SRPK2: variants seen among roughly 807,000 people sequenced by gnomAD.
SRPK2 encodes SFRS protein kinase 2.
SRPK2 carries 21 observed loss-of-function variants against 90.8 expected under a neutral mutation model. The observed-to-expected ratio is 0.23, with a 90% CI of 0.16 to 0.33. The LOEUF is 0.33. Among genes scored for constraint, SRPK2 ranks in the 10% least tolerant of loss-of-function variants. The pLI, the probability that SRPK2 is intolerant of heterozygous loss-of-function variation, is 1.00. For missense variants in SRPK2, 620 were observed against 869.0 expected (o/e 0.71, Z 3.60); for synonymous variants, 288 against 311.1 (o/e 0.93, Z 0.78).
At chr7:105,370,037 C>CAACAACAAT (rs1240194068) in intron 2 of SRPK2, among the ~76,000 whole-genome samples, 2 of 151,714 alleles carry the variant, frequency 1.3e-5, no homozygotes, top group African/African-American at 4.8e-5. Context: ...CAAACAACAA[C>CAACAACAAT]AACAACAACA....
chr7:105,124,640 T>TTAAAAAAAAAAAAAAA (rs71519197), intron 15 of SRPK2, among the ~76,000 whole-genome samples: 1 of 52,926 alleles, frequency 1.9e-5, no homozygotes, highest in African/African-American at 6.2e-5. Flanking sequence ...AAACTCCATC[T>TTAAAAAAAAAAAAAAA]AAAAAAAAAA....
At chr7:105,244,420 A>C (rs1249642090) in intron 2 of SRPK2, among the ~76,000 whole-genome samples, 2 of 152,168 alleles carry the variant, frequency 1.3e-5, no homozygotes, top group Non-Finnish European at 2.9e-5. Context: ...AAATACAAAA[A>C]TTAGCTGCAC....
chr7:105,195,445 A>G lies in SRPK2; in HGVS notation c.229+8183T>C, dbSNP rs533887047. Among the ~76,000 whole-genome samples, 183 of 152,316 alleles carry G rather than the reference A, an allele frequency of 1.2e-3. 2 individuals carry two copies. Among genetic ancestry groups the G allele is most frequent in the Non-Finnish European group, 2.4e-3 (164 of 68,020 alleles). On this transcript the variant is annotated intron_variant, in intron 3 of 15. Coordinates refer to ENST00000393651, the MANE Select transcript of SRPK2 (RefSeq NM_182692.3). ...GTTTTCTGTGGGGATTTTTGGTAAT[A>G]TTTTGAAGTGATGCTTTAAAGTTAC...
rs945903337 is a variant in SRPK2 at position 105,368,871 on chromosome 7, C to T, written c.71+19777G>A. Among the ~76,000 whole-genome samples, 13 of 118,054 alleles carry T rather than the reference C, an allele frequency of 1.1e-4. No individual in the cohort carries two copies. The East Asian group carries it at 1.6e-3, about 14-fold the overall frequency. The allele number at this position is 118,054 out of a possible 152,430, so 77.4% of individuals were successfully genotyped here. On this transcript the variant is annotated intron_variant, in intron 2 of 15. Transcript: ENST00000393651. ...CTGCACTCCAACCTAGGTGACAAAG[C>T]GAAACTCTATCTCAAAAAAAAAAAA... is the stretch of plus-strand genomic sequence containing the variant.
intron 2 of SRPK2, among the ~76,000 whole-genome samples, chr7:105,319,295 C>T (rs914296046): frequency 2.6e-5 from 4 of 152,042 alleles, no homozygotes; most frequent in East Asian, 1.9e-4. Context: ...AATCTACTAC[C>T]ATAGGTTCGT....
At position 105,265,691 on chromosome 7, in the gene SRPK2, T is replaced by C. The variant is rs1804966820; in HGVS notation, c.72-61906A>G. Among the ~76,000 whole-genome samples, 3 of 152,192 alleles carry C rather than the reference T, an allele frequency of 2.0e-5. No individual in the cohort carries two copies. The South Asian group carries it at 6.2e-4, about 32-fold the overall frequency. ...GTAAACAAGGGAGTAAAAATGTGTCTAGCACCGACTCTACTATATTCAAGA... is the reference window on the plus strand; with the variant it reads ...GTAAACAAGGGAGTAAAAATGTGTCCAGCACCGACTCTACTATATTCAAGA... On this transcript the variant is annotated intron_variant, in intron 2 of 15. Coordinates refer to ENST00000393651, the MANE Select transcript of SRPK2 (RefSeq NM_182692.3).
In SRPK2 at chr7:105,376,411, T is replaced by C. The variant is rs148918802; in HGVS notation, c.71+12237A>G. 1.0e-3 allele frequency among the ~76,000 whole-genome samples: 157 copies of C among 152,076 alleles called. 2 individuals carry two copies. The East Asian group carries it at 0.016, about 16-fold the overall frequency. ...CCTCACCCCATCCCATCCCTATCCATTGAAAACCTGTGCTATAATCCCACT... is the reference window on the plus strand; with the variant it reads ...CCTCACCCCATCCCATCCCTATCCACTGAAAACCTGTGCTATAATCCCACT... On this transcript the variant is annotated intron_variant, in intron 2 of 15. Coordinates refer to ENST00000393651, the MANE Select transcript of SRPK2 (RefSeq NM_182692.3).
chr7:105,297,737 A>T (rs1326293934), intron 2 of SRPK2, among the ~76,000 whole-genome samples: 1 of 120,098 alleles, frequency 8.3e-6, no homozygotes, highest in Non-Finnish European at 1.7e-5. Context: ...TAAGCTGTAA[A>T]TTTTTTTTTT....
chr7:105,341,440 A>G (rs1815780196), intron 2 of SRPK2, among the ~76,000 whole-genome samples: 1 of 151,156 alleles, frequency 6.6e-6, no homozygotes, highest in Admixed American at 6.6e-5. Flanking sequence ...CGAGAGGCCA[A>G]GGCAGCTGGA....
At chr7:105,132,086 A>G (rs1802083415) in intron 13 of SRPK2, among the ~76,000 whole-genome samples, 1 of 152,196 alleles carries the variant, frequency 6.6e-6, no homozygotes, top group East Asian at 1.9e-4. Flanking sequence ...GTGCAGCACA[A>G]AACCAGCAGC....
intron 2 of SRPK2, among the ~76,000 whole-genome samples, chr7:105,260,924 C>T (rs745747198): frequency 7.3e-5 from 11 of 149,956 alleles, no homozygotes; most frequent in Non-Finnish European, 1.5e-4. Flanking sequence ...AGCAGAAATA[C>T]CTAATGTAAA....
chr7:105,316,393 G>A (rs1056314571), intron 2 of SRPK2, among the ~76,000 whole-genome samples: 3 of 152,090 alleles, frequency 2.0e-5, no homozygotes, highest in Non-Finnish European at 2.9e-5. Context: ...ACACTCTCAA[G>A]GCCGCTTATA....
chr7:105,170,257 T>G (rs569888767), intron 3 of SRPK2, among the ~76,000 whole-genome samples: 2 of 152,324 alleles, frequency 1.3e-5, no homozygotes, highest in African/African-American at 4.8e-5. Context: ...CAATGTTTAC[T>G]CTGTATAATT....
chr7:105,323,627 T>C (rs1813188528), intron 2 of SRPK2, among the ~76,000 whole-genome samples: 1 of 152,238 alleles, frequency 6.6e-6, no homozygotes. Context: ...CTACATACTT[T>C]ACTCAGCACC....
intron 2 of SRPK2, chr7:105,304,163 A>C (rs1412904829): frequency 6.6e-6 from 1 of 152,216 alleles, no homozygotes; most frequent in Non-Finnish European, 1.5e-5. Context: ...CCCATTGTTC[A>C]AGACTGCTGA....
rs555608352 is a variant in SRPK2, at chr7:105,129,779, G to A, written c.1753-2717C>T. Among the ~76,000 whole-genome samples, 7 of 152,288 alleles carry A rather than the reference G, an allele frequency of 4.6e-5. No homozygotes were observed. The South Asian group carries it at 1.5e-3, about 32-fold the overall frequency. ...TCTTCCCTGGACCTACTTGTTTCCA[G>A]ATTCTTGGGAGACCAACTACCTCTC... On this transcript the variant is annotated intron_variant, in intron 13 of 15. Transcript: ENST00000393651.
intron 2 of SRPK2, chr7:105,298,853 G>C: frequency 1.1e-6 from 1 of 944,662 alleles, no homozygotes; most frequent in Non-Finnish European, 1.3e-6. Flanking sequence ...ACCTGTGACA[G>C]CAGTCTTTCC....
chr7:105,221,662 CCT>C (rs1438216105), intron 2 of SRPK2, among the ~76,000 whole-genome samples: 2 of 152,160 alleles, frequency 1.3e-5, no homozygotes, highest in African/African-American at 4.8e-5. Context: ...TATATAACCC[CCT>C]GTCCACAACA....
At chr7:105,262,593 A>T (rs1804455865) in intron 2 of SRPK2, among the ~76,000 whole-genome samples, 1 of 152,234 alleles carries the variant, frequency 6.6e-6, no homozygotes, top group South Asian at 2.1e-4. Context: ...AACTAATGTT[A>T]ATACCCACGG....
Sources: gnomAD v4.1 joint callset for allele counts (sites outside exome capture counted in the v4.1 genomes callset) on GRCh38, gnomAD v4.1.1 for gene constraint, MANE v1.5 for transcripts, NCBI Gene and HGNC (gene_info 2026-07-23, HGNC 2026-07-21) for gene names.